TNKS: variants seen among roughly 807,000 people sequenced by gnomAD.
TNKS encodes tankyrase, also known as poly [ADP-ribose] polymerase tankyrase-1.
In TNKS, 72 loss-of-function variants were observed where a neutral mutation model predicts 135.8. The observed-to-expected ratio is 0.53, with a 90% CI of 0.44 to 0.64. The LOEUF is 0.64. TNKS is among the 30% of genes least tolerant of loss of function. TNKS has a pLI of 0.00. For missense variants in TNKS, 1,769 were observed against 1,674.0 expected (o/e 1.06, Z -0.99); for synonymous variants, 849 against 649.3 (o/e 1.31, Z -4.68).
chr8:9,626,273 A>C (rs541942510), intron 3 of TNKS, among the ~76,000 whole-genome samples: 4 of 152,036 alleles, frequency 2.6e-5, no homozygotes, highest in Non-Finnish European at 5.9e-5. Flanking sequence ...TTTACTTTCA[A>C]CCTGCCAATA....
At chr8:9,706,287 CTT>C (rs11343041) in intron 7 of TNKS, 34 bp downstream of exon 7, 20,585 of 993,788 alleles carry the variant, frequency 0.021, no homozygotes, top group South Asian at 0.033. Context: ...GCATCATTTA[CTT>C]TTTTTTTTTT....
Position 9,694,748 on chromosome 8 carries a change from C to T in TNKS, c.1108-9915C>T, listed in dbSNP as rs182720230. Among the ~76,000 whole-genome samples the T allele has an allele frequency of 7.9e-3, 933 of 117,492 alleles. 7 individuals carry two copies. Among genetic ancestry groups the T allele is most frequent in the South Asian group, 0.01 (36 of 3,448 alleles). 77.1% of individuals were successfully genotyped at this position (117,492 alleles called of 152,430 possible). ...CTGCGCTCCAGCCTGGGCAACAGAG[C>T]GAGACTCTGTCTCAAAAAAAAAAAA... On this transcript the variant is annotated intron_variant, in intron 5 of 26. Coordinates refer to ENST00000310430, the MANE Select transcript of TNKS (RefSeq NM_003747.3).
chr8:9,635,443 A>G (rs1015561104), intron 3 of TNKS, among the ~76,000 whole-genome samples: 1 of 152,172 alleles, frequency 6.6e-6, no homozygotes, highest in Non-Finnish European at 1.5e-5. Context: ...GAAAATCACC[A>G]TTTGCAACCA....
At chr8:9,765,669 T>C in intron 23 of TNKS, 23 bp from the exon 24 acceptor site, 1 of 1,587,836 alleles carries the variant, frequency 6.3e-7, no homozygotes, top group Non-Finnish European at 8.6e-7. Context: ...CCGATAATGT[T>C]TCTTTCTTCT....
At chr8:9,720,323 G>T in intron 11 of TNKS, 51 bp from the exon 12 acceptor site, 2 of 1,471,048 alleles carry the variant, frequency 1.4e-6, no homozygotes, top group Non-Finnish European at 1.8e-6. Context: ...AGGTATAAAA[G>T]GAAACTAAAC....
At chr8:9,699,740 C>T (rs535566154) in intron 5 of TNKS, among the ~76,000 whole-genome samples, 1 of 152,212 alleles carries the variant, frequency 6.6e-6, no homozygotes, top group African/African-American at 2.4e-5. Flanking sequence ...AGTCCTGTAC[C>T]CTTCTGTTCA....
At chr8:9,568,343 C>G (rs1017827542) in intron 1 of TNKS, among the ~76,000 whole-genome samples, 1 of 152,128 alleles carries the variant, frequency 6.6e-6, no homozygotes, top group Non-Finnish European at 1.5e-5. Flanking sequence ...TGGAATGTTT[C>G]CTGCCCTTAA....
intron 3 of TNKS, among the ~76,000 whole-genome samples, chr8:9,624,463 G>A (rs1026541576): frequency 1.3e-5 from 2 of 152,106 alleles, no homozygotes; most frequent in African/African-American, 2.4e-5. Context: ...GCAATTGTTA[G>A]AAGTAATAAA....
intron 1 of TNKS, among the ~76,000 whole-genome samples, chr8:9,563,701 C>A (rs1016835653): frequency 1.3e-5 from 2 of 152,038 alleles, no homozygotes; most frequent in African/African-American, 4.8e-5. Flanking sequence ...ACATGCTATA[C>A]GTTCATATCT....
Position 9,580,060 on chromosome 8 carries a change from C to G in TNKS, c.674-99C>G, listed in dbSNP as rs1424751036. The G allele has an allele frequency of 3.1e-6, 3 of 961,692 alleles. No homozygotes were observed. The African/African-American group carries it at 4.9e-5, about 16-fold the overall frequency. The allele number at this position is 961,692 out of a possible 1,614,324, so 59.6% of individuals were successfully genotyped here. ...ACACCATTTACTATAGAGTGCAGTACTTCAGTTGTTCATACTTGTTGATAT... is the reference window on the plus strand; with the variant it reads ...ACACCATTTACTATAGAGTGCAGTAGTTCAGTTGTTCATACTTGTTGATAT... On this transcript the variant is annotated intron_variant, in intron 1 of 26. Transcript: ENST00000310430.
intron 2 of TNKS, among the ~76,000 whole-genome samples, chr8:9,606,935 C>A (rs1166488805): frequency 1.3e-5 from 2 of 152,088 alleles, no homozygotes; most frequent in African/African-American, 4.8e-5. Context: ...TCCCATGTTT[C>A]TTTAAGATTG....
At chr8:9,660,613 A>G (rs1040940837) in intron 3 of TNKS, among the ~76,000 whole-genome samples, 11 of 152,310 alleles carry the variant, frequency 7.2e-5, no homozygotes, top group Non-Finnish European at 1.0e-4. Context: ...ATCTATGACA[A>G]ACCCACAGCC....
chr8:9,712,964 T>C (rs1378500696), intron 11 of TNKS, among the ~76,000 whole-genome samples: 2 of 152,218 alleles, frequency 1.3e-5, no homozygotes, highest in Non-Finnish European at 2.9e-5. Context: ...AAATTCTCTT[T>C]GTGTAAGTTT....
In TNKS at chr8:9,704,764, C is replaced by G. The variant is rs931927532; in HGVS notation, c.1202+7C>G. On this transcript the variant is annotated splice_region_variant and intron_variant, in intron 6 of 26. Transcript: ENST00000310430. ...TTCATGCAAAAGACAAAGGGTAGGT[C>G]TATCAGTTTACTTCCTGTCAGTGCT... The G allele has an allele frequency of 6.2e-7, 1 of 1,609,166 alleles. No individual in the cohort carries two copies. Among genetic ancestry groups the G allele is most frequent in the African/African-American group, 1.3e-5 (1 of 74,734 alleles).
rs929553391 is a variant in TNKS, at chr8:9,777,695, C to T, written c.*959C>T. 2 of 152,134 alleles carry T rather than the reference C, an allele frequency of 1.3e-5. No individual in the cohort carries two copies. The highest frequency in any genetic ancestry group is 2.9e-5 in the Non-Finnish European group (2 of 68,026). 9.4% of individuals were successfully genotyped at this position (152,134 alleles called of 1,614,324 possible). On this transcript the variant is annotated 3_prime_UTR_variant, in exon 27 of 27. Transcript: ENST00000310430. Reference sequence around the variant, plus strand: ...CAGCCCCAATGGATCCAGGGGATGCCTCCAAAAAATACATGCTTCCCTTCC... The same window carrying T: ...CAGCCCCAATGGATCCAGGGGATGCTTCCAAAAAATACATGCTTCCCTTCC...
chr8:9,611,367 A>T (rs868827651), intron 2 of TNKS, among the ~76,000 whole-genome samples: 6 of 152,278 alleles, frequency 3.9e-5, no homozygotes, highest in African/African-American at 1.4e-4. Context: ...CTTACTTTGT[A>T]CATTGTTGGT....
intron 3 of TNKS, among the ~76,000 whole-genome samples, chr8:9,665,117 C>G (rs1801927842): frequency 6.6e-6 from 1 of 152,174 alleles, no homozygotes; most frequent in African/African-American, 2.4e-5. Flanking sequence ...GTACTCTAGA[C>G]TAAGTTTTCC....
At chr8:9,722,703 A>G (rs1804951744) in intron 12 of TNKS, among the ~76,000 whole-genome samples, 1 of 152,160 alleles carries the variant, frequency 6.6e-6, no homozygotes, top group Admixed American at 6.5e-5. Context: ...TTTTTGTTAA[A>G]ATTTCTAAAT....
At chr8:9,570,380 A>C (rs1797710815) in intron 1 of TNKS, among the ~76,000 whole-genome samples, 1 of 150,154 alleles carries the variant, frequency 6.7e-6, no homozygotes, top group South Asian at 2.1e-4. Context: ...TGAGCCAATG[A>C]ATGAAACATA....
Sources: allele counts gnomAD v4.1 joint callset (sites outside exome capture counted in the v4.1 genomes callset), GRCh38; gene constraint gnomAD v4.1.1; transcripts MANE v1.5; gene names NCBI Gene and HGNC (gene_info 2026-07-23, HGNC 2026-07-21).